SULT2B1: variants seen among roughly 807,000 people sequenced by gnomAD.
SULT2B1 encodes sulfotransferase 2B1.
In SULT2B1, 16 loss-of-function variants were observed where a neutral mutation model predicts 33.2. That is an observed-to-expected ratio of 0.48 (90% CI 0.33 to 0.73). SULT2B1 has a LOEUF of 0.73. SULT2B1 is among the 30% of genes least tolerant of loss of function. The probability of loss-of-function intolerance (pLI) is 0.02; values close to 1 mark genes in which losing one functional copy is unlikely to be tolerated. For missense variants in SULT2B1, 500 were observed against 506.0 expected, an observed-to-expected ratio of 0.99 and a Z score of 0.11; for synonymous variants, 186 against 200.5, an observed-to-expected ratio of 0.93 and a Z score of 0.61.
rs545369689 is a variant in SULT2B1 at position 48,589,918 on chromosome 19, C to T, written c.424-1691C>T. Among the ~76,000 whole-genome samples, 376 of 152,324 alleles carry T rather than the reference C, an allele frequency of 2.5e-3. 1 individual carries two copies. Among genetic ancestry groups the T allele is most frequent in the African/African-American group, 8.6e-3 (358 of 41,568 alleles). On this transcript the variant is annotated intron_variant, in intron 3 of 6. Transcript: ENST00000201586. The stretch of plus-strand genomic sequence containing the variant: ...CAGGCTGCAGTGAGCCATGATTGTG[C>T]CACAGGCACTCCAGCCTCAAGGACA...
intron 6 of SULT2B1, among the ~76,000 whole-genome samples, chr19:48,598,113 C>T (rs370099919): frequency 1.3e-5 from 2 of 152,146 alleles, no homozygotes; most frequent in African/African-American, 4.8e-5. Context: ...AGGATTAGGA[C>T]GTGGATATGG....
At chr19:48,560,734 G>A (rs1973164939) in intron 1 of SULT2B1, among the ~76,000 whole-genome samples, 2 of 152,074 alleles carry the variant, frequency 1.3e-5, no homozygotes, top group South Asian at 4.1e-4. Context: ...GCCGAGACGT[G>A]TGGATCCCTT....
intron 2 of SULT2B1, among the ~76,000 whole-genome samples, chr19:48,577,917 G>A (rs1467816590): frequency 3.9e-5 from 6 of 152,118 alleles, no homozygotes; most frequent in Non-Finnish European, 8.8e-5. Flanking sequence ...TAAATGCTGT[G>A]AAGAAAAGTA....
intron 1 of SULT2B1, among the ~76,000 whole-genome samples, chr19:48,568,031 G>A (rs1973267732): frequency 6.6e-6 from 1 of 151,928 alleles, no homozygotes; most frequent in Non-Finnish European, 1.5e-5. Context: ...CAGCACTTTG[G>A]GAGGCCAAGG....
At chr19:48,591,554 TG>T (rs1973642610) in intron 3 of SULT2B1, 54 bp from the exon 4 acceptor site, 2 of 1,565,136 alleles carry the variant, frequency 1.3e-6, no homozygotes, top group African/African-American at 2.7e-5. Flanking sequence ...CCTCAGGGGC[TG>T]GGGTCTTGCC....
chr19:48,558,063 G>T (rs1973124136), intron 1 of SULT2B1, among the ~76,000 whole-genome samples: 1 of 152,182 alleles, frequency 6.6e-6, no homozygotes, highest in Non-Finnish European at 1.5e-5. Context: ...CCTTGCAGTT[G>T]TTCTCAACCT....
At chr19:48,575,761 G>A in intron 1 of SULT2B1, 180 bp from the exon 2 acceptor site, 4 of 1,114,534 alleles carry the variant, frequency 3.6e-6, no homozygotes, top group Non-Finnish European at 4.9e-6. Context: ...GATTACAGGA[G>A]TGTGCCACTG....
intron 3 of SULT2B1, among the ~76,000 whole-genome samples, chr19:48,590,069 C>T (rs993750920): frequency 1.3e-5 from 2 of 152,024 alleles, no homozygotes; most frequent in African/African-American, 4.8e-5. Context: ...AACCTCTGCC[C>T]CTCTGCCTCC....
At chr19:48,570,020 T>C (rs959037290) in intron 1 of SULT2B1, among the ~76,000 whole-genome samples, 3 of 152,036 alleles carry the variant, frequency 2.0e-5, no homozygotes, top group Admixed American at 1.3e-4. Flanking sequence ...AGTCTCAGAT[T>C]TCAAGGATTA....
intron 2 of SULT2B1, among the ~76,000 whole-genome samples, chr19:48,586,319 T>C (rs1973560866): frequency 6.6e-6 from 1 of 152,184 alleles, no homozygotes; most frequent in Non-Finnish European, 1.5e-5. Context: ...TCCTATAAAC[T>C]GTAGTTGGTG....
intron 1 of SULT2B1, among the ~76,000 whole-genome samples, chr19:48,559,715 C>T (rs138137434): frequency 1.6e-3 from 240 of 152,148 alleles, no homozygotes; most frequent in Non-Finnish European, 3.1e-3. Context: ...GAGACCCTCG[C>T]CTTGCCCGGA....
At chr19:48,565,729 C>A (rs1352072347) in intron 1 of SULT2B1, among the ~76,000 whole-genome samples, 1 of 151,780 alleles carries the variant, frequency 6.6e-6, no homozygotes, top group East Asian at 2.0e-4. Flanking sequence ...CTACAGTAAA[C>A]CACACAAATC....
In SULT2B1 at chr19:48,591,428, G is replaced by A. The variant is rs775671017; in HGVS notation, c.424-181G>A. On this transcript the variant is annotated intron_variant, in intron 3 of 6. Coordinates refer to ENST00000201586, the MANE Select transcript of SULT2B1 (RefSeq NM_177973.2). ...AGAGGTTGCAATGAGCTGAGATGGCGCCACTGCACTCCAGCCTGGGCGAAA... is the reference window on the plus strand; with the variant it reads ...AGAGGTTGCAATGAGCTGAGATGGCACCACTGCACTCCAGCCTGGGCGAAA... Among the ~76,000 whole-genome samples, 14 of 152,034 alleles carry A rather than the reference G, an allele frequency of 9.2e-5. No homozygotes were observed. The East Asian group carries it at 1.6e-3, about 17-fold the overall frequency.
chr19:48,575,530 T>G (rs1973392742), intron 1 of SULT2B1: 1 of 152,136 alleles, frequency 6.6e-6, no homozygotes, highest in Admixed American at 6.6e-5. Flanking sequence ...CAAACTGGAG[T>G]GCAATGGTGC....
rs532263643 is a variant in SULT2B1 at position 48,593,886 on chromosome 19, G to A, written c.645+1070G>A. Among the ~76,000 whole-genome samples the A allele has an allele frequency of 5.0e-3, 753 of 150,554 alleles. 6 individuals carry two copies. The highest frequency in any genetic ancestry group is 0.01 in the Middle Eastern group (3 of 294). Reference sequence around the variant, plus strand: ...TGACCTCAGGTGATCCACCCACCTCGGCCTCCCAAAGTTTTTATATTTGGA... The same window carrying A: ...TGACCTCAGGTGATCCACCCACCTCAGCCTCCCAAAGTTTTTATATTTGGA... On this transcript the variant is annotated intron_variant, in intron 5 of 6. Coordinates refer to ENST00000201586, the MANE Select transcript of SULT2B1 (RefSeq NM_177973.2).
chr19:48,561,571 G>T (rs915775186), intron 1 of SULT2B1, among the ~76,000 whole-genome samples: 1 of 152,140 alleles, frequency 6.6e-6, no homozygotes, highest in Non-Finnish European at 1.5e-5. Flanking sequence ...AGCCCCAGGC[G>T]ACAGGCGTCG....
chr19:48,583,046 G>A (rs144265431), intron 2 of SULT2B1, among the ~76,000 whole-genome samples: 3,158 of 148,004 alleles, frequency 0.021, 149 homozygotes, highest in Admixed American at 0.057. Context: ...AGCTACTTGG[G>A]AGGCTGAGGC....
At chr19:48,561,129 T>A (rs1296563454) in intron 1 of SULT2B1, among the ~76,000 whole-genome samples, 1 of 146,188 alleles carries the variant, frequency 6.8e-6, no homozygotes, top group African/African-American at 2.6e-5. Flanking sequence ...CAAGATCTTG[T>A]CTCAAAAAAA....
chr19:48,576,025 G>A lies in SULT2B1; in HGVS notation c.156G>A (p.Ala52=), dbSNP rs774802804. ...ACTCGCTCGAGAGCATCAGCTTGGC[G>A]GAGAACACCCAAGATGTGCGGGACG... ...GLYSLESISL[A]ENTQDVRDDD... The change falls in exon 2 of 7, where the codon GCG becomes GCA. Residue 52 remains alanine (A), a synonymous_variant. Coordinates refer to ENST00000201586, the MANE Select transcript of SULT2B1 (RefSeq NM_177973.2). 1.9e-6 allele frequency: 3 copies of A among 1,613,916 alleles called. No homozygotes were observed. The highest frequency in any genetic ancestry group is 2.2e-5 in the East Asian group (1 of 44,872).
Sources: allele counts gnomAD v4.1 joint callset (sites outside exome capture counted in the v4.1 genomes callset), GRCh38; gene constraint gnomAD v4.1.1; transcripts MANE v1.5; gene names NCBI Gene and HGNC (gene_info 2026-07-23, HGNC 2026-07-21).